ADAM12: variants seen among roughly 807,000 people sequenced by gnomAD.
The protein encoded by ADAM12 is disintegrin and metalloproteinase domain-containing protein 12.
A neutral mutation model predicts 106.4 loss-of-function variants in ADAM12; 70 were observed. The observed-to-expected ratio is 0.66, with a 90% CI of 0.54 to 0.80. The LOEUF is 0.80. ADAM12 is among the 30% of genes least tolerant of loss of function. The probability of loss-of-function intolerance (pLI) is 0.00; values close to 1 mark genes in which losing one functional copy is unlikely to be tolerated. For missense variants in ADAM12, 1,010 were observed against 1,171.9 expected, an observed-to-expected ratio of 0.86 and a Z score of 2.02; for synonymous variants, 420 against 433.5, an observed-to-expected ratio of 0.97 and a Z score of 0.39.
At chr10:126,314,527 A>G (rs780804140) in intron 2 of ADAM12, among the ~76,000 whole-genome samples, 11 of 152,208 alleles carry the variant, frequency 7.2e-5, no homozygotes, top group Non-Finnish European at 1.5e-4. Context: ...CCACTCATAA[A>G]TGAGACACAC....
chr10:126,171,205 T>TG (rs1361539396), intron 3 of ADAM12, among the ~76,000 whole-genome samples: 2 of 152,216 alleles, frequency 1.3e-5, no homozygotes, highest in African/African-American at 4.8e-5. Flanking sequence ...GTCAGAATGA[T>TG]GGTTGGGAAT....
At chr10:126,218,848 C>T (rs141538217) in intron 3 of ADAM12, among the ~76,000 whole-genome samples, 95 of 152,246 alleles carry the variant, frequency 6.2e-4, no homozygotes, top group African/African-American at 2.0e-3. Context: ...TAGAGATGTC[C>T]GGGGTTATGA....
At position 126,388,088 on chromosome 10, in the gene ADAM12, C is replaced by A. The variant is rs1275483787; in HGVS notation, c.58G>T (p.Gly20Cys). 8 of 1,233,866 alleles carry A rather than the reference C, an allele frequency of 6.5e-6. No homozygotes were observed. The highest frequency in any genetic ancestry group is 8.1e-6 in the Non-Finnish European group (8 of 987,890). The allele number at this position is 1,233,866 out of a possible 1,614,324, so 76.4% of individuals were successfully genotyped here. A position where few individuals can be genotyped will look rare whatever the true frequency, so the allele number is the denominator to read the frequency against. The change falls in exon 1 of 23, where the codon GGT becomes TGT. Residue 20 changes from glycine (G) to cysteine (C), a missense_variant. Physicochemically the swap from Gly to Cys is radical, Grantham distance 159. This residue lies in a region of ADAM12 where 391 missense variants were observed against 442.9 expected (regional missense o/e 0.88). Transcript: ENST00000448723. This position sits in a 1 kb window ranked among gnomAD's most constrained non-coding sequence, Gnocchi z 4.4. ...GCCTCGCAGGGCGCGAGCAGAGCAC[C>A]GGCCAGGGCGAGCAGGAGGGCGCGG... ...PARALLLALA[G>C]ALLAPCEARG...
intron 1 of ADAM12, among the ~76,000 whole-genome samples, chr10:126,358,547 T>TA (rs1342129969): frequency 1.3e-5 from 2 of 152,230 alleles, no homozygotes; most frequent in South Asian, 4.1e-4. Flanking sequence ...TACTCAATGG[T>TA]AAAAAATTGA....
At chr10:126,170,846 A>G (rs1196834274) in intron 3 of ADAM12, among the ~76,000 whole-genome samples, 1 of 152,176 alleles carries the variant, frequency 6.6e-6, no homozygotes, top group African/African-American at 2.4e-5. Flanking sequence ...TAGTTGATTT[A>G]CTATCTGATC....
intron 3 of ADAM12, among the ~76,000 whole-genome samples, chr10:126,218,485 A>C (rs530609333): frequency 2.0e-5 from 3 of 152,142 alleles, no homozygotes; most frequent in Non-Finnish European, 4.4e-5. Context: ...CTCAGCCAAC[A>C]AGAGACATAC....
chr10:126,331,111 G>A (rs907540127), intron 1 of ADAM12, among the ~76,000 whole-genome samples: 2 of 152,210 alleles, frequency 1.3e-5, no homozygotes, highest in African/African-American at 4.8e-5. Flanking sequence ...TTGGGGTCCT[G>A]TCTGTTGAAC....
chr10:126,183,033 AG>A (rs1451198644), intron 3 of ADAM12, among the ~76,000 whole-genome samples: 5 of 152,142 alleles, frequency 3.3e-5, no homozygotes, highest in Non-Finnish European at 7.3e-5. Flanking sequence ...TCAGATCAGA[AG>A]AAGCACTAGA....
At chr10:126,124,270 T>C (rs1345619454) in intron 5 of ADAM12, among the ~76,000 whole-genome samples, 1 of 151,894 alleles carries the variant, frequency 6.6e-6, no homozygotes, top group African/African-American at 2.4e-5. Flanking sequence ...GGAAAAGCAG[T>C]TGGCTTGAAA....
At chr10:126,381,229 CT>C (rs1349788457) in intron 1 of ADAM12, among the ~76,000 whole-genome samples, 2 of 152,130 alleles carry the variant, frequency 1.3e-5, no homozygotes, top group African/African-American at 4.8e-5. Context: ...GAAAATACAT[CT>C]ATATGTCGAG....
chr10:126,243,124 C>G (rs1292513636), intron 3 of ADAM12, among the ~76,000 whole-genome samples: 1 of 152,184 alleles, frequency 6.6e-6, no homozygotes, highest in East Asian at 1.9e-4. Context: ...TTGCTGGAAG[C>G]AGGCCAGTGT....
intron 1 of ADAM12, among the ~76,000 whole-genome samples, chr10:126,373,535 C>G (rs1159164951): frequency 1.3e-5 from 2 of 152,196 alleles, no homozygotes; most frequent in Admixed American, 1.3e-4. Context: ...TTTTTATGAT[C>G]CACTCGCTCT....
chr10:126,016,072 G>C lies in ADAM12; in HGVS notation c.*1207C>G, dbSNP rs1953656161. On this transcript the variant is annotated 3_prime_UTR_variant, in exon 23 of 23. Transcript: ENST00000448723. ...GAAATAGGTTCAGACTCTGTTAAAA[G>C]CATCTTTTAAAGATTCCTGCAGCCA... is the stretch of plus-strand genomic sequence containing the variant. The C allele has an allele frequency of 6.6e-6, 1 of 152,178 alleles. No homozygotes were observed. The highest frequency in any genetic ancestry group is 2.4e-5 in the African/African-American group (1 of 41,436). The allele number at this position is 152,178 out of a possible 1,614,324, so 9.4% of individuals were successfully genotyped here. A position where few individuals can be genotyped will look rare whatever the true frequency, so the allele number is the denominator to read the frequency against.
At chr10:126,077,089 A>G (rs890368256) in intron 11 of ADAM12, among the ~76,000 whole-genome samples, 7 of 152,224 alleles carry the variant, frequency 4.6e-5, no homozygotes, top group African/African-American at 1.7e-4. Flanking sequence ...AAAAACCAGT[A>G]GCATTTCTCT....
chr10:126,019,343 C>CT (rs1953716737), intron 22 of ADAM12, among the ~76,000 whole-genome samples: 1 of 152,204 alleles, frequency 6.6e-6, no homozygotes, highest in Non-Finnish European at 1.5e-5. Flanking sequence ...TGAGAACAGA[C>CT]TAACACAGGT....
At chr10:126,374,414 C>A (rs1261416407) in intron 1 of ADAM12, among the ~76,000 whole-genome samples, 2 of 151,712 alleles carry the variant, frequency 1.3e-5, no homozygotes, top group African/African-American at 4.8e-5. Flanking sequence ...AAATGGATAA[C>A]AATATATAAA....
chr10:126,305,937 C>T (rs1329216198), intron 2 of ADAM12, among the ~76,000 whole-genome samples: 1 of 151,912 alleles, frequency 6.6e-6, no homozygotes, highest in East Asian at 1.9e-4. Flanking sequence ...TCTCCTTTTA[C>T]TTGATTCCTG....
intron 3 of ADAM12, among the ~76,000 whole-genome samples, chr10:126,165,621 A>G (rs1488773651): frequency 6.6e-6 from 1 of 152,166 alleles, no homozygotes; most frequent in East Asian, 1.9e-4. Flanking sequence ...ACTTGACTCT[A>G]TTTAGCTCCA....
At chr10:126,292,137 A>G (rs1034021575) in intron 2 of ADAM12, among the ~76,000 whole-genome samples, 9 of 152,110 alleles carry the variant, frequency 5.9e-5, no homozygotes, top group Admixed American at 5.9e-4. Context: ...AATGCCCCAC[A>G]AGCCACAATC....
Sources: allele counts gnomAD v4.1 joint callset (sites outside exome capture counted in the v4.1 genomes callset), GRCh38; gene constraint gnomAD v4.1.1; regional missense constraint gnomAD v4.1.1; non-coding constraint Gnocchi (gnomAD v3.1); transcripts MANE v1.5; gene names NCBI Gene and HGNC (gene_info 2026-07-23, HGNC 2026-07-21).